STX1A: variants seen among roughly 807,000 people sequenced by gnomAD.
The protein encoded by STX1A is syntaxin-1A.
In STX1A, 4 loss-of-function variants were observed where a neutral mutation model predicts 37.8. The ratio of observed to expected loss-of-function variants is 0.11; its 90% confidence interval spans 0.05 to 0.24. The LOEUF (loss-of-function observed/expected upper bound fraction) is 0.24. STX1A is among the 10% of genes least tolerant of loss of function. The probability of loss-of-function intolerance (pLI) is 1.00; values close to 1 mark genes in which losing one functional copy is unlikely to be tolerated. For synonymous variants in STX1A, 135 were observed against 147.4 expected (o/e 0.92, Z 0.61); for missense variants, 251 against 399.9 (o/e 0.63, Z 3.18).
At position 73,717,095 on chromosome 7, in the gene STX1A, T is replaced by G. The variant is rs1799312863; in HGVS notation, c.30+2507A>C. On this transcript the variant is annotated intron_variant, in intron 1 of 9. Coordinates refer to ENST00000222812, the MANE Select transcript of STX1A (RefSeq NM_004603.4). This position sits in a 1 kb window ranked among gnomAD's most constrained non-coding sequence, Gnocchi z 4.1. ...GGAGGGCTGGGCCGGGCCTGCAGAG[T>G]GAGGAAACGCGCCAGCTCCTTCCCC... Among the ~76,000 whole-genome samples the G allele has an allele frequency of 6.6e-6, 1 of 150,820 alleles. No individual in the cohort carries two copies. The highest frequency in any genetic ancestry group is 2.4e-5 in the African/African-American group (1 of 40,928).
intron 1 of STX1A, among the ~76,000 whole-genome samples, chr7:73,716,289 C>T (rs893283528): frequency 1.3e-5 from 2 of 152,234 alleles, no homozygotes; most frequent in Non-Finnish European, 2.9e-5. Context: ...CTCCATTCTG[C>T]AGATGAGGAA....
At chr7:73,711,551 C>G (rs782774395) in intron 1 of STX1A, among the ~76,000 whole-genome samples, 1 of 152,072 alleles carries the variant, frequency 6.6e-6, no homozygotes, top group Non-Finnish European at 1.5e-5. Flanking sequence ...ATCCAGGAGC[C>G]GTTTTCACGC....
chr7:73,701,086 G>A, intron 8 of STX1A: 3 of 683,404 alleles, frequency 4.4e-6, no homozygotes, highest in Admixed American at 5.8e-5. Context: ...TGGCCATGCA[G>A]TCTCAGCTGA....
At position 73,706,285 on chromosome 7, in the gene STX1A, G is replaced by A. The variant is rs114065865; in HGVS notation, c.209-1061C>T. On this transcript the variant is annotated intron_variant, in intron 3 of 9. Coordinates refer to ENST00000222812, the MANE Select transcript of STX1A (RefSeq NM_004603.4). This position sits in a 1 kb window ranked among gnomAD's most constrained non-coding sequence, Gnocchi z 4.6. ...GGGGGGGTTCCGAGGCGCGGAGGAG[G>A]GCGCCTCATCCGTAGGAACAAAGGA... Among the ~76,000 whole-genome samples the A allele has an allele frequency of 1.0e-3, 155 of 152,270 alleles. No individual in the cohort carries two copies. Among genetic ancestry groups the A allele is most frequent in the African/African-American group, 3.7e-3 (154 of 41,554 alleles).
intron 1 of STX1A, among the ~76,000 whole-genome samples, chr7:73,716,970 A>G (rs538053924): frequency 2.6e-5 from 4 of 152,088 alleles, no homozygotes; most frequent in Admixed American, 6.5e-5. Context: ...TCTCTGAGGG[A>G]CTGCGACAGC....
intron 1 of STX1A, among the ~76,000 whole-genome samples, chr7:73,712,898 A>G (rs1232685349): frequency 2.0e-5 from 3 of 152,136 alleles, no homozygotes; most frequent in Non-Finnish European, 4.4e-5. Context: ...CATACAGCAC[A>G]CAAACTGAAT....
At chr7:73,708,992 G>A (rs1798992606) in intron 2 of STX1A, 53 bp downstream of exon 2, 1 of 1,593,084 alleles carries the variant, frequency 6.3e-7, no homozygotes, top group Non-Finnish European at 8.6e-7. Context: ...AGGCGAGAGT[G>A]GCCCCCCAAG....
chr7:73,704,471 C>G, intron 4 of STX1A, 48 bp from the exon 5 acceptor site: 3 of 1,608,828 alleles, frequency 1.9e-6, no homozygotes, highest in Non-Finnish European at 2.5e-6. Context: ...CCTTCAACCC[C>G]GTCCCCTACC....
At chr7:73,711,679 A>G (rs782630719) in intron 1 of STX1A, among the ~76,000 whole-genome samples, 1 of 152,110 alleles carries the variant, frequency 6.6e-6, no homozygotes, top group Non-Finnish European at 1.5e-5. Context: ...CAGGTTGGGA[A>G]GTGGCCCCAG....
chr7:73,712,470 G>GC lies in STX1A; in HGVS notation c.31-3349dup, dbSNP rs1191915190. Among the ~76,000 whole-genome samples, 37 of 150,812 alleles carry GC rather than the reference G, an allele frequency of 2.5e-4. 1 individual carries two copies. The East Asian group carries it at 2.6e-3, about 10-fold the overall frequency. On this transcript the variant is annotated intron_variant, in intron 1 of 9. Transcript: ENST00000222812. ...GCCACCTCCTTCCAGAAGCCTCCCT[G>GC]CCCCCCCAAATCAGTATCTCGCACC... is the stretch of plus-strand genomic sequence containing the variant.
chr7:73,709,240 G>T lies in STX1A; in HGVS notation c.31-118C>A. On this transcript the variant is annotated intron_variant, in intron 1 of 9. Coordinates refer to ENST00000222812, the MANE Select transcript of STX1A (RefSeq NM_004603.4). This position sits in a 1 kb window ranked among gnomAD's most constrained non-coding sequence, Gnocchi z 4.2. The stretch of plus-strand genomic sequence containing the variant: ...CTCCCCCTCTCCCTGGGGGCCTCTG[G>T]GCAGGGACAAGAACAGGCCTGGCTG... 9.9e-7 allele frequency: 1 copy of T among 1,012,540 alleles called. No individual in the cohort carries two copies. The highest frequency in any genetic ancestry group is 1.5e-6 in the Non-Finnish European group (1 of 671,150). The allele number at this position is 1,012,540 out of a possible 1,614,324, so 62.7% of individuals were successfully genotyped here.
chr7:73,705,371 C>T lies in STX1A; in HGVS notation c.209-147G>A, dbSNP rs563297526. On this transcript the variant is annotated intron_variant, in intron 3 of 9. Transcript: ENST00000222812. The surrounding 1 kb of genome is among the most constrained non-coding windows in gnomAD (Gnocchi z 5.2). ...TCCCCTGGCTAAGGCTCTGCCTGCC[C>T]GCCCCCCTCCCCCAATTCTGGGCCA... The T allele has an allele frequency of 6.9e-5, 45 of 651,996 alleles. No individual in the cohort carries two copies. The Admixed American group carries it at 7.0e-4, about 10-fold the overall frequency. 40.4% of individuals were successfully genotyped at this position (651,996 alleles called of 1,614,324 possible).
chr7:73,703,022 T>TGAGGGGCAGGGCAGAGGGCC, intron 7 of STX1A, 40 bp from the exon 8 acceptor site: 1 of 1,215,856 alleles, frequency 8.2e-7, no homozygotes, highest in East Asian at 3.5e-5. Flanking sequence ...AGAGGCTTGC[T>TGAGGGGCAGGGCAGAGGGCC]GAGGGGCAGG....
At position 73,704,189 on chromosome 7, in the gene STX1A, C is replaced by G; in HGVS notation, c.425G>C (p.Arg142Pro). 6.2e-7 allele frequency: 1 copy of G among 1,613,224 alleles called. No homozygotes were observed. The highest frequency in any genetic ancestry group is 8.5e-7 in the Non-Finnish European group (1 of 1,179,978). ...CTGGATGCGGCCTTTGCAGCGCTCG[C>G]GGTAGTCGGACTGCGTGGCGTTGTA... Reference protein sequence around the residue: ...SEYNATQSDYRERCKGRIQRQ... With the variant: ...SEYNATQSDYPERCKGRIQRQ... The change falls in exon 6 of 10, where the codon CGC becomes CCC. Residue 142 changes from arginine (R) to proline (P), a missense_variant. By Grantham distance (103) the Arg-to-Pro change is moderately radical (BLOSUM62 -2). Around this residue, in one of 2 missense-constraint regions of STX1A, gnomAD observed 214 missense variants for 367.6 expected, o/e 0.58. Coordinates refer to ENST00000222812, the MANE Select transcript of STX1A (RefSeq NM_004603.4).
In STX1A at chr7:73,702,126, G is replaced by A. The variant is rs991998743; in HGVS notation, c.678+719C>T. 6.6e-6 allele frequency among the ~76,000 whole-genome samples: 1 copy of A among 152,172 alleles called. No individual in the cohort carries two copies. The highest frequency in any genetic ancestry group is 1.5e-5 in the Non-Finnish European group (1 of 68,032). Reference sequence around the variant, plus strand: ...GTCTTGCTGGGCTTGGGACCTTAGTGTTGCTGGGGCCAGCTCTTCATCTCC... The same window carrying A: ...GTCTTGCTGGGCTTGGGACCTTAGTATTGCTGGGGCCAGCTCTTCATCTCC... On this transcript the variant is annotated intron_variant, in intron 8 of 9. Transcript: ENST00000222812. This position sits in a 1 kb window ranked among gnomAD's most constrained non-coding sequence, Gnocchi z 4.7.
In STX1A at chr7:73,702,645, A is replaced by C; in HGVS notation, c.678+200T>G. On this transcript the variant is annotated intron_variant, in intron 8 of 9. Transcript: ENST00000222812. This position sits in a 1 kb window ranked among gnomAD's most constrained non-coding sequence, Gnocchi z 4.7. ...GGCCATGCAGGGCCTGGGGTCCTTG[A>C]AGCTCAAGCAGAGCCATGCAGAGGA... The C allele has an allele frequency of 1.4e-6, 2 of 1,435,234 alleles. No individual in the cohort carries two copies. Among genetic ancestry groups the C allele is most frequent in the Admixed American group, 5.5e-5 (2 of 36,546 alleles). The allele number at this position is 1,435,234 out of a possible 1,614,324, so 88.9% of individuals were successfully genotyped here. A position where few individuals can be genotyped will look rare whatever the true frequency, so the allele number is the denominator to read the frequency against.
intron 6 of STX1A, 132 bp from the exon 7 acceptor site, chr7:73,703,960 C>G (rs1169842639): frequency 9.6e-7 from 1 of 1,037,796 alleles, no homozygotes; most frequent in African/African-American, 1.6e-5. Context: ...CAGGCCCCGC[C>G]CCCCCGGCCC....
rs1798616919 is a variant in STX1A, at chr7:73,700,627, C to A, written c.789+103G>T. ...CCTGGGAGGGGGCTGTCATGGGGAG[C>A]TCCTGAGAGAAGGGAGAGAGGTGGG... On this transcript the variant is annotated intron_variant, in intron 9 of 9. Coordinates refer to ENST00000222812, the MANE Select transcript of STX1A (RefSeq NM_004603.4). The surrounding 1 kb of genome is among the most constrained non-coding windows in gnomAD (Gnocchi z 4.4). The A allele has an allele frequency of 1.3e-6, 2 of 1,525,446 alleles. No individual in the cohort carries two copies. Among genetic ancestry groups the A allele is most frequent in the Non-Finnish European group, 8.9e-7 (1 of 1,120,882 alleles). The allele number at this position is 1,525,446 out of a possible 1,614,324, so 94.5% of individuals were successfully genotyped here.
chr7:73,713,983 G>C (rs1554618328), intron 1 of STX1A, among the ~76,000 whole-genome samples: 5 of 152,222 alleles, frequency 3.3e-5, no homozygotes, highest in Non-Finnish European at 7.3e-5. Flanking sequence ...CCAAAACCAG[G>C]CTCCACCTGT....
Sources: gnomAD v4.1 joint callset for allele counts (sites outside exome capture counted in the v4.1 genomes callset) on GRCh38, gnomAD v4.1.1 for gene constraint, gnomAD v4.1.1 regional missense constraint, Gnocchi (gnomAD v3.1) non-coding constraint, MANE v1.5 for transcripts, NCBI Gene and HGNC (gene_info 2026-07-23, HGNC 2026-07-21) for gene names.